Variants in WDR17 observed in about 807,000 individuals in gnomAD.
WDR17 encodes the protein WD repeat-containing protein 17.
A neutral mutation model predicts 161.7 loss-of-function variants in WDR17; 143 were observed. The ratio of observed to expected loss-of-function variants is 0.88; its 90% CI spans 0.77 to 1.02. The LOEUF is 1.02. Ranked by LOEUF, WDR17 falls within the 50% of genes least tolerant of loss-of-function variation. The pLI, the probability that WDR17 is intolerant of heterozygous loss-of-function variation, is 0.00. For synonymous variants in WDR17, 517 were observed against 515.6 expected (o/e 1.00, Z -0.04); for missense variants, 1,469 against 1,520.9 (o/e 0.97, Z 0.57).
At chr4:176,131,804 T>G (rs1179655671) in intron 7 of WDR17, 66 bp downstream of exon 7, 1 of 1,204,900 alleles carries the variant, frequency 8.3e-7, no homozygotes, top group Admixed American at 2.8e-5. Context: ...ATCTTTACTT[T>G]TACCTGTCTG....
chr4:176,137,027 G>A (rs1197040303), intron 8 of WDR17, among the ~76,000 whole-genome samples: 2 of 151,304 alleles, frequency 1.3e-5, no homozygotes, highest in Non-Finnish European at 3.0e-5. Flanking sequence ...AGAAAGCATT[G>A]TTTATGTTTT....
intron 26 of WDR17, among the ~76,000 whole-genome samples, chr4:176,175,848 C>G (rs769236440): frequency 6.6e-6 from 1 of 151,886 alleles, no homozygotes. Context: ...CGTGAGCCAC[C>G]ATGCCCGGCC....
chr4:176,152,505 C>G, intron 17 of WDR17, among the ~76,000 whole-genome samples: 1 of 134,232 alleles, frequency 7.4e-6, no homozygotes, highest in Non-Finnish European at 1.5e-5. Flanking sequence ...ACTTGGGAGG[C>G]TGAGGCAGGG....
intron 5 of WDR17, among the ~76,000 whole-genome samples, chr4:176,125,639 G>A (rs1188597167): frequency 1.3e-5 from 2 of 152,148 alleles, no homozygotes; most frequent in African/African-American, 4.8e-5. Context: ...CTGTGTATGT[G>A]CAAAAGACAA....
chr4:176,175,938 T>C (rs1443161299), intron 26 of WDR17, among the ~76,000 whole-genome samples: 1 of 152,124 alleles, frequency 6.6e-6, no homozygotes, highest in Non-Finnish European at 1.5e-5. Flanking sequence ...CTTCTCCCTA[T>C]TGCGTAGGTG....
rs374211389 is a variant in WDR17 at position 176,177,670 on chromosome 4, A to G, written c.3732+16A>G. The G allele has an allele frequency of 5.6e-5, 88 of 1,568,778 alleles. No individual in the cohort carries two copies. The highest frequency in any genetic ancestry group is 7.5e-5 in the Non-Finnish European group (88 of 1,165,828). ...AAAAATCCAGGTAAAGCCTAACATCAGACATAACATGTGTATTTCACCATT... is the reference window on the plus strand; with the variant it reads ...AAAAATCCAGGTAAAGCCTAACATCGGACATAACATGTGTATTTCACCATT... On this transcript the variant is annotated intron_variant, in intron 28 of 28. Transcript: ENST00000508596.
chr4:176,163,381 T>G, intron 22 of WDR17, 88 bp downstream of exon 22: 1 of 1,383,324 alleles, frequency 7.2e-7, no homozygotes, highest in East Asian at 2.4e-5. Flanking sequence ...AGATATGCAT[T>G]GGGAGAATAT....
At chr4:176,177,747 G>GCC (rs1561226242) in intron 28 of WDR17, 93 bp downstream of exon 28, 2 of 1,336,858 alleles carry the variant, frequency 1.5e-6, no homozygotes, top group Non-Finnish European at 2.0e-6. Context: ...TTGGATAAAA[G>GCC]TAGGTAATTT....
intron 1 of WDR17, among the ~76,000 whole-genome samples, chr4:176,078,040 ACT>A (rs1308920606): frequency 6.6e-6 from 1 of 151,626 alleles, no homozygotes; most frequent in African/African-American, 2.4e-5. Flanking sequence ...TACGTTGTGC[ACT>A]CTTTTTGTCT....
chr4:176,140,239 C>T (rs1003439095), intron 10 of WDR17, among the ~76,000 whole-genome samples: 1 of 152,034 alleles, frequency 6.6e-6, no homozygotes, highest in African/African-American at 2.4e-5. Context: ...TGAAAAGACT[C>T]ATTTCTTTGC....
At chr4:176,148,987 A>G (rs1236519495) in intron 13 of WDR17, among the ~76,000 whole-genome samples, 8 of 152,316 alleles carry the variant, frequency 5.3e-5, no homozygotes, top group East Asian at 3.9e-4. Context: ...GTTCAGATCC[A>G]TATGCTTGAT....
intron 8 of WDR17, 76 bp downstream of exon 8, chr4:176,135,352 C>A: frequency 6.7e-7 from 1 of 1,482,972 alleles, no homozygotes; most frequent in Non-Finnish European, 9.4e-7. Context: ...GAGTTACTTT[C>A]TTCCTCTTGA....
At chr4:176,108,330 A>G (rs181388532) in intron 1 of WDR17, among the ~76,000 whole-genome samples, 1 of 152,318 alleles carries the variant, frequency 6.6e-6, no homozygotes, top group East Asian at 1.9e-4. Flanking sequence ...TGTAAAGGCT[A>G]CATAATGTAC....
chr4:176,137,753 A>G (rs2126778151), intron 9 of WDR17, 142 bp downstream of exon 9: 2 of 451,698 alleles, frequency 4.4e-6, no homozygotes, highest in East Asian at 4.1e-5. Context: ...AAAATCCTAG[A>G]GAATACTCAC....
chr4:176,100,468 G>A (rs947838258), intron 1 of WDR17, among the ~76,000 whole-genome samples: 1 of 151,976 alleles, frequency 6.6e-6, no homozygotes, highest in African/African-American at 2.4e-5. Flanking sequence ...TGGTTTCTTT[G>A]TATATTCTGG....
chr4:176,136,190 A>G lies in WDR17; in HGVS notation c.1267+914A>G, dbSNP rs544637840. Among the ~76,000 whole-genome samples, 114 of 151,618 alleles carry G rather than the reference A, an allele frequency of 7.5e-4. 1 individual carries two copies. The highest frequency in any genetic ancestry group is 1.3e-3 in the Non-Finnish European group (89 of 67,586). On this transcript the variant is annotated intron_variant, in intron 8 of 28. Coordinates refer to ENST00000508596, the MANE Select transcript of WDR17 (RefSeq NM_181265.4). Reference sequence around the variant, plus strand: ...GCTTTATGTATCCTTCATCTCCTACAATGAGGAGAATTACAGAAAAAGGTT... The same window carrying G: ...GCTTTATGTATCCTTCATCTCCTACGATGAGGAGAATTACAGAAAAAGGTT...
intron 1 of WDR17, among the ~76,000 whole-genome samples, chr4:176,101,069 G>C (rs1023664045): frequency 8.6e-5 from 13 of 152,024 alleles, no homozygotes; most frequent in Admixed American, 3.3e-4. Flanking sequence ...GGCTATTTGT[G>C]CTCTTGTTTG....
intron 11 of WDR17, among the ~76,000 whole-genome samples, chr4:176,144,031 C>T (rs930426374): frequency 1.3e-5 from 2 of 152,156 alleles, no homozygotes; most frequent in Non-Finnish European, 2.9e-5. Flanking sequence ...TTCCCTTACT[C>T]CTTGCATCCA....
At chr4:176,075,031 T>C (rs1733788725) in intron 1 of WDR17, among the ~76,000 whole-genome samples, 1 of 151,984 alleles carries the variant, frequency 6.6e-6, no homozygotes. Context: ...TATAGGTATA[T>C]ATTAATTTTT....
Sources: gnomAD v4.1 joint callset for allele counts (sites outside exome capture counted in the v4.1 genomes callset) on GRCh38, gnomAD v4.1.1 for gene constraint, MANE v1.5 for transcripts, NCBI Gene and HGNC (gene_info 2026-07-23, HGNC 2026-07-21) for gene names.